Variants in NKAIN3 observed in about 807,000 individuals in gnomAD.
NKAIN3 encodes the protein sodium/potassium transporting ATPase interacting 3.
In NKAIN3, 25 loss-of-function variants were observed where a neutral mutation model predicts 30.2. The observed-to-expected ratio is 0.83, with a 90% CI of 0.60 to 1.16. The LOEUF is 1.16. Ranked by LOEUF, NKAIN3 falls within the 50% of genes most tolerant of loss-of-function variation. NKAIN3 has a pLI of 0.00. For missense variants in NKAIN3, 225 were observed against 254.1 expected (o/e 0.89, Z 0.78); for synonymous variants, 91 against 89.6 (o/e 1.02, Z -0.09).
Position 62,656,863 on chromosome 8 carries a change from A to G in NKAIN3, c.273+67069A>G, listed in dbSNP as rs939415686. On this transcript the variant is annotated intron_variant, in intron 3 of 6. Transcript: ENST00000623646. ...CTAGCTGTTCAGGACTGATACACTT[A>G]TGAACAAGGAAAGACAATGGAAGTG... Among the ~76,000 whole-genome samples, 13 of 152,320 alleles carry G rather than the reference A, an allele frequency of 8.5e-5. 1 individual carries two copies. Among genetic ancestry groups the G allele is most frequent in the South Asian group, 8.3e-4 (4 of 4,824 alleles).
At chr8:62,934,838 A>T (rs1822732068) in intron 5 of NKAIN3, among the ~76,000 whole-genome samples, 1 of 152,136 alleles carries the variant, frequency 6.6e-6, no homozygotes, top group South Asian at 2.1e-4. Context: ...TACTGGGGAA[A>T]AAACGGGGTA....
intron 6 of NKAIN3, among the ~76,000 whole-genome samples, chr8:62,960,813 C>T (rs1234857251): frequency 6.6e-6 from 1 of 151,710 alleles, no homozygotes; most frequent in African/African-American, 2.4e-5. Context: ...AGAAGAAACA[C>T]TTGATTCCAT....
chr8:62,249,100 G>T lies in NKAIN3; in HGVS notation c.27G>T (p.Ser9=), dbSNP rs1462565540. Residue 9 remains serine, a synonymous_variant, in exon 1 of 7, where the codon TCG becomes TCT. Transcript: ENST00000623646. ...TGGGCTGCTGCACCGGACGCTGCTC[G>T]CTCATCTGCCTCTGCGCGCTGCAGT... The part of the protein sequence containing the change: MGCCTGRC[S]LICLCALQLV... 4 of 1,539,194 alleles carry T rather than the reference G, an allele frequency of 2.6e-6. No individual in the cohort carries two copies. The highest frequency in any genetic ancestry group is 3.5e-6 in the Non-Finnish European group (4 of 1,144,178).
intron 4 of NKAIN3, among the ~76,000 whole-genome samples, chr8:62,802,233 G>A (rs1385722820): frequency 6.6e-6 from 1 of 152,112 alleles, no homozygotes; most frequent in African/African-American, 2.4e-5. Flanking sequence ...AATCTAGCAA[G>A]GCAGGCCAAC....
chr8:62,990,964 G>A (rs892091203), intron 5 of NKAIN3: 1 of 152,204 alleles, frequency 6.6e-6, no homozygotes, highest in Admixed American at 6.5e-5. Flanking sequence ...CAATAGGGTG[G>A]CCAGAAAACA....
chr8:62,899,076 A>G (rs1219045305), intron 4 of NKAIN3, among the ~76,000 whole-genome samples: 2 of 152,174 alleles, frequency 1.3e-5, no homozygotes, highest in Non-Finnish European at 2.9e-5. Flanking sequence ...AAAGAATAGT[A>G]ATAACAAATG....
At chr8:62,745,868 C>T (rs1563542980) in intron 3 of NKAIN3, among the ~76,000 whole-genome samples, 1 of 152,070 alleles carries the variant, frequency 6.6e-6, no homozygotes, top group African/African-American at 2.4e-5. Flanking sequence ...GAGAGAGTGC[C>T]GCATTATAGC....
chr8:62,696,902 G>A (rs557781279), intron 3 of NKAIN3, among the ~76,000 whole-genome samples: 37 of 152,258 alleles, frequency 2.4e-4, no homozygotes, highest in African/African-American at 8.4e-4. Flanking sequence ...AAGATTTCCT[G>A]TAGTCATAGA....
At chr8:62,410,009 G>A (rs1395710499) in intron 1 of NKAIN3, among the ~76,000 whole-genome samples, 1 of 152,036 alleles carries the variant, frequency 6.6e-6, no homozygotes, top group Non-Finnish European at 1.5e-5. Context: ...TTAAGATACA[G>A]GGAGCACATG....
At chr8:62,601,105 G>A (rs1039468849) in intron 3 of NKAIN3, among the ~76,000 whole-genome samples, 1 of 151,984 alleles carries the variant, frequency 6.6e-6, no homozygotes, top group Non-Finnish European at 1.5e-5. Context: ...TCTATCCATT[G>A]TCTTTTATAA....
At chr8:62,319,051 T>G (rs1337630187) in intron 1 of NKAIN3, among the ~76,000 whole-genome samples, 10 of 152,306 alleles carry the variant, frequency 6.6e-5, no homozygotes, top group Non-Finnish European at 1.5e-4. Context: ...TTCTTCCTGG[T>G]TTAGTCTTGG....
chr8:62,580,479 A>C (rs1370035827), intron 2 of NKAIN3, among the ~76,000 whole-genome samples: 1 of 152,212 alleles, frequency 6.6e-6, no homozygotes, highest in African/African-American at 2.4e-5. Flanking sequence ...ATAAATATAC[A>C]GTGTTCAGTA....
intron 1 of NKAIN3, among the ~76,000 whole-genome samples, chr8:62,278,272 A>G (rs762711209): frequency 2.6e-5 from 4 of 152,148 alleles, no homozygotes; most frequent in Non-Finnish European, 4.4e-5. Flanking sequence ...GGAGTAAGTC[A>G]TCATACCCTA....
intron 1 of NKAIN3, among the ~76,000 whole-genome samples, chr8:62,329,032 C>A (rs979899503): frequency 2.0e-5 from 3 of 151,994 alleles, no homozygotes; most frequent in African/African-American, 7.2e-5. Flanking sequence ...ATGTCATCAG[C>A]AGCTTTGTGA....
intron 1 of NKAIN3, among the ~76,000 whole-genome samples, chr8:62,421,213 C>T (rs951380099): frequency 5.3e-5 from 8 of 152,146 alleles, no homozygotes; most frequent in Admixed American, 2.6e-4. Context: ...CTCTCCTGTG[C>T]CCGTTGGTAC....
chr8:62,746,377 C>A (rs755442567), intron 3 of NKAIN3, among the ~76,000 whole-genome samples: 1 of 152,200 alleles, frequency 6.6e-6, no homozygotes. Flanking sequence ...TCTGCTCAGT[C>A]CTTTATTGCC....
chr8:62,274,701 C>T lies in NKAIN3; in HGVS notation c.54+25574C>T, dbSNP rs182932515. 5.5e-3 allele frequency among the ~76,000 whole-genome samples: 840 copies of T among 151,916 alleles called. 7 individuals are homozygous for T. The highest frequency in any genetic ancestry group is 8.9e-3 in the Admixed American group (136 of 15,242). The stretch of plus-strand genomic sequence containing the variant: ...TGCTGGTGTGCTGCATCCATTAACT[C>T]GTCATTTAGCATTAGGTTTATCTCC... On this transcript the variant is annotated intron_variant, in intron 1 of 6. Transcript: ENST00000623646.
chr8:62,833,673 G>A (rs1819264757), intron 4 of NKAIN3, among the ~76,000 whole-genome samples: 1 of 151,376 alleles, frequency 6.6e-6, no homozygotes, highest in African/African-American at 2.4e-5. Context: ...TTCCAAAATT[G>A]AATCAGTAGT....
At chr8:62,466,653 C>T (rs1313082289) in intron 1 of NKAIN3, among the ~76,000 whole-genome samples, 1 of 152,158 alleles carries the variant, frequency 6.6e-6, no homozygotes, top group Non-Finnish European at 1.5e-5. Flanking sequence ...TCATGTTTTG[C>T]TGCAATGTCA....
Sources: allele counts gnomAD v4.1 joint callset (sites outside exome capture counted in the v4.1 genomes callset), GRCh38; gene constraint gnomAD v4.1.1; transcripts MANE v1.5; gene names NCBI Gene and HGNC (gene_info 2026-07-23, HGNC 2026-07-21).